Variants in MAPK6 observed in about 807,000 individuals in gnomAD.
MAPK6 encodes mitogen-activated protein kinase 6.
Under a neutral mutation model 59.3 loss-of-function variants are expected in MAPK6, and 19 were observed. The observed-to-expected ratio is 0.32, with a 90% confidence interval of 0.22 to 0.47. The LOEUF is 0.47. Ranked by LOEUF, MAPK6 falls within the 20% of genes least tolerant of loss-of-function variation. MAPK6 has a pLI of 1.00. For missense variants in MAPK6, 724 were observed against 847.9 expected (o/e 0.85, Z 1.81); for synonymous variants, 316 against 290.3 (o/e 1.09, Z -0.90).
rs1434850611 is a variant in MAPK6, at chr15:51,998,240, C to G, written c.-769-6025C>G. On this transcript the variant is annotated intron_variant, in intron 2 of 7. Coordinates refer to the MAPK6 transcript ENST00000691380. Reference sequence around the variant, plus strand: ...TACAGGCTTGAGCAACTGCACCCAGCCTAAAGTTATTTTCTTAGTGGTAGC... The same window carrying G: ...TACAGGCTTGAGCAACTGCACCCAGGCTAAAGTTATTTTCTTAGTGGTAGC... Among the ~76,000 whole-genome samples the G allele has an allele frequency of 4.6e-5, 7 of 152,004 alleles. No homozygotes were observed. In the East Asian group the frequency reaches 1.4e-3, roughly 29 times the overall value.
intron 2 of MAPK6, among the ~76,000 whole-genome samples, chr15:51,992,609 G>A (rs868676023): frequency 4.0e-5 from 6 of 151,822 alleles, no homozygotes; most frequent in East Asian, 1.9e-4. Flanking sequence ...CAGCCAAGCC[G>A]TCCCCCATTT....
chr15:52,043,742 A>ATT (rs71130125), intron 1 of MAPK6, among the ~76,000 whole-genome samples: 3,928 of 40,796 alleles, frequency 0.096, 995 homozygotes, highest in Middle Eastern at 0.17. Context: ...AAGTTGTTTG[A>ATT]TTTTTTTTTT....
At chr15:51,986,081 C>G (rs2057190334) in intron 2 of MAPK6, among the ~76,000 whole-genome samples, 2 of 152,206 alleles carry the variant, frequency 1.3e-5, no homozygotes, top group African/African-American at 4.8e-5. Flanking sequence ...AATTGACTCA[C>G]AGTTCTGCAG....
intron 3 of MAPK6, among the ~76,000 whole-genome samples, chr15:52,007,666 G>A (rs995861889): frequency 6.1e-5 from 9 of 148,638 alleles, no homozygotes; most frequent in Non-Finnish European, 3.0e-5. Flanking sequence ...TTGCACCAAT[G>A]TACTCCAGCC....
At chr15:52,043,572 C>G (rs965665187) in intron 1 of MAPK6, among the ~76,000 whole-genome samples, 1 of 151,960 alleles carries the variant, frequency 6.6e-6, no homozygotes, top group African/African-American at 2.4e-5. Context: ...GCTGGGATTA[C>G]AGGCGTGAGC....
chr15:52,032,096 G>A (rs1170745121), intron 1 of MAPK6, among the ~76,000 whole-genome samples: 1 of 151,490 alleles, frequency 6.6e-6, no homozygotes, highest in East Asian at 1.9e-4. Context: ...GGATGGTCTC[G>A]ATCTCCTGAC....
At chr15:52,042,220 G>A (rs141935237) in intron 1 of MAPK6, among the ~76,000 whole-genome samples, 12 of 152,344 alleles carry the variant, frequency 7.9e-5, no homozygotes, top group African/African-American at 2.9e-4. Flanking sequence ...ACAGAGCAGT[G>A]ACGCAGAATC....
chr15:51,992,662 A>T (rs2057213456), intron 2 of MAPK6, among the ~76,000 whole-genome samples: 1 of 152,018 alleles, frequency 6.6e-6, no homozygotes, highest in Admixed American at 6.6e-5. Flanking sequence ...TGTACTTCTG[A>T]CCCATCAGCT....
intron 1 of MAPK6, chr15:52,033,639 G>T (rs1405549171): frequency 2.0e-5 from 3 of 152,128 alleles, no homozygotes; most frequent in African/African-American, 7.2e-5. Flanking sequence ...TTCTTCCCCA[G>T]CTTGCAGACG....
At chr15:51,987,025 G>A (rs1042352514) in intron 2 of MAPK6, among the ~76,000 whole-genome samples, 1 of 152,062 alleles carries the variant, frequency 6.6e-6, no homozygotes, top group Non-Finnish European at 1.5e-5. Flanking sequence ...AGTATTTACA[G>A]CATGATTCCA....
At chr15:52,036,605 G>A (rs1373064218) in intron 1 of MAPK6, among the ~76,000 whole-genome samples, 1 of 152,142 alleles carries the variant, frequency 6.6e-6, no homozygotes, top group Non-Finnish European at 1.5e-5. Flanking sequence ...CCTAACACTT[G>A]CATTGAGGAT....
intron 1 of MAPK6, among the ~76,000 whole-genome samples, chr15:51,978,632 G>T (rs2057163970): frequency 6.6e-6 from 1 of 151,544 alleles, no homozygotes; most frequent in African/African-American, 2.4e-5. Context: ...CAATTTCAGA[G>T]ATTTTTTGGG....
rs545834817 is a variant in MAPK6 at position 52,058,768 on chromosome 15, C to G, written c.836C>G (p.Thr279Ser). 9.3e-6 allele frequency: 15 copies of G among 1,612,516 alleles called. No homozygotes were observed. The African/African-American group carries it at 2.0e-4, about 22-fold the overall frequency. ...NDMTEPHKPL[T>S]QLLPGISREA... ...ATGACTGAGCCACACAAACCTTTAA[C>G]TCAGCTGCTTCCAGGAATTAGTCGA... is the stretch of plus-strand genomic sequence containing the variant. Residue 279 changes from threonine to serine, a missense_variant, in exon 4 of 6, where the codon ACT (threonine) becomes AGT (serine). Thr to Ser is a moderately conservative substitution (Grantham distance 58, BLOSUM62 1). Around this residue, in one of 4 missense-constraint regions of MAPK6, gnomAD observed 502 missense variants for 507.6 expected, o/e 0.99. Transcript: ENST00000261845.
chr15:51,980,287 C>T (rs1387558700), intron 1 of MAPK6, among the ~76,000 whole-genome samples: 1 of 146,508 alleles, frequency 6.8e-6, no homozygotes, highest in African/African-American at 2.6e-5. Context: ...AAGAACAAAA[C>T]TGTCTTAAAA....
chr15:52,043,627 C>G (rs1049671155), intron 1 of MAPK6, among the ~76,000 whole-genome samples: 1 of 150,634 alleles, frequency 6.6e-6, no homozygotes, highest in Admixed American at 6.6e-5. Context: ...CTTATTTCCA[C>G]TATCACATGA....
At chr15:52,059,353 C>G (rs2032107377) in intron 4 of MAPK6, among the ~76,000 whole-genome samples, 1 of 152,150 alleles carries the variant, frequency 6.6e-6, no homozygotes. Flanking sequence ...GTCTTGAACT[C>G]CTGAGCTCAA....
chr15:51,973,815 G>T (rs2057149064), intron 1 of MAPK6, among the ~76,000 whole-genome samples: 1 of 151,770 alleles, frequency 6.6e-6, no homozygotes, highest in African/African-American at 2.4e-5. Context: ...ACCATATCCG[G>T]TTAATTTTGT....
chr15:51,985,868 G>A lies in MAPK6; in HGVS notation c.-770+2553G>A, dbSNP rs947159259. Among the ~76,000 whole-genome samples the A allele has an allele frequency of 3.3e-5, 5 of 151,824 alleles. No homozygotes were observed. The East Asian group carries it at 7.7e-4, about 23-fold the overall frequency. On this transcript the variant is annotated intron_variant, in intron 2 of 7. Coordinates refer to the MAPK6 transcript ENST00000691380. ...AGCTACTCGGGAGGCTGAGGCAGGC[G>A]AATAGCGTGAACCCAGGAGGCGGAG... is the stretch of plus-strand genomic sequence containing the variant.
intron 5 of MAPK6, among the ~76,000 whole-genome samples, chr15:52,063,296 C>G (rs2032278048): frequency 6.6e-6 from 1 of 152,220 alleles, no homozygotes; most frequent in Non-Finnish European, 1.5e-5. Context: ...CTCCTGACCT[C>G]AAGTGATCCA....
Sources: allele counts gnomAD v4.1 joint callset (sites outside exome capture counted in the v4.1 genomes callset), GRCh38; gene constraint gnomAD v4.1.1; regional missense constraint gnomAD v4.1.1; transcripts MANE v1.5; gene names NCBI Gene and HGNC (gene_info 2026-07-23, HGNC 2026-07-21).